CDYL2: variants seen among roughly 807,000 people sequenced by gnomAD.
CDYL2 encodes chromodomain Y like 2, also known as chromodomain Y-like protein 2.
Under a neutral mutation model 49.4 loss-of-function variants are expected in CDYL2, and 23 were observed. The ratio of observed to expected loss-of-function variants is 0.47; its 90% CI spans 0.34 to 0.66. CDYL2 has a LOEUF of 0.66. Ranked by LOEUF, CDYL2 falls within the 30% of genes least tolerant of loss-of-function variation. The probability of loss-of-function intolerance (pLI) is 0.01; values close to 1 mark genes in which losing one functional copy is unlikely to be tolerated. For missense variants in CDYL2, 678 were observed against 656.4 expected (o/e 1.03, Z -0.36); for synonymous variants, 360 against 268.8 (o/e 1.34, Z -3.32).
chr16:80,684,770 A>AC lies in CDYL2; in HGVS notation c.383dup (p.Asp129Ter). 1 of 1,613,822 alleles carries AC rather than the reference A, an allele frequency of 6.2e-7. No individual in the cohort carries two copies. The highest frequency in any genetic ancestry group is 8.5e-7 in the Non-Finnish European group (1 of 1,179,942). On this transcript the variant is annotated frameshift_variant, in exon 2 of 7. Coordinates refer to ENST00000570137, the MANE Select transcript of CDYL2 (RefSeq NM_152342.4). LOFTEE classifies it high-confidence loss of function. Reference sequence around the variant, plus strand: ...AAGACACCGTCTTGGTGGCCCTGTCACCTCCTGAAGAGGGCTTGCCTGAAT... The same window carrying AC: ...AAGACACCGTCTTGGTGGCCCTGTCACCCTCCTGAAGAGGGCTTGCCTGAAT...
intron 1 of CDYL2, among the ~76,000 whole-genome samples, chr16:80,741,444 A>G (rs1456374454): frequency 6.6e-6 from 1 of 152,104 alleles, no homozygotes; most frequent in Non-Finnish European, 1.5e-5. Context: ...TTAAATTTTC[A>G]TATATCAAAA....
intron 1 of CDYL2, among the ~76,000 whole-genome samples, chr16:80,747,938 G>A (rs1307805557): frequency 6.6e-6 from 1 of 151,776 alleles, no homozygotes; most frequent in Non-Finnish European, 1.5e-5. Context: ...TGAATTCTCA[G>A]GCAGGATTCT....
At chr16:80,757,232 G>C (rs192290393) in intron 1 of CDYL2, among the ~76,000 whole-genome samples, 156 of 152,176 alleles carry the variant, frequency 1.0e-3, no homozygotes, top group Non-Finnish European at 2.0e-3. Flanking sequence ...AACATAGCAG[G>C]CTATAAAATA....
chr16:80,764,800 C>T (rs1346602871), intron 1 of CDYL2, among the ~76,000 whole-genome samples: 1 of 151,964 alleles, frequency 6.6e-6, no homozygotes. Flanking sequence ...GTGGCTCAAG[C>T]CTGTAATCCC....
chr16:80,710,389 T>C (rs568062848), intron 1 of CDYL2, among the ~76,000 whole-genome samples: 2 of 152,340 alleles, frequency 1.3e-5, no homozygotes, highest in East Asian at 3.9e-4. Context: ...TATGTCCATA[T>C]CTTTGAACCA....
intron 1 of CDYL2, among the ~76,000 whole-genome samples, chr16:80,755,729 A>T (rs1337636655): frequency 6.6e-6 from 1 of 152,210 alleles, no homozygotes; most frequent in Non-Finnish European, 1.5e-5. Flanking sequence ...GTACAATGCA[A>T]AAAGTAGACC....
At chr16:80,707,460 C>CA (rs1257791173) in intron 1 of CDYL2, among the ~76,000 whole-genome samples, 3 of 151,544 alleles carry the variant, frequency 2.0e-5, no homozygotes, top group East Asian at 1.9e-4. Context: ...GATGTTGTCT[C>CA]AAAAAAAAGA....
chr16:80,727,853 CG>C (rs1341955136), intron 1 of CDYL2, among the ~76,000 whole-genome samples: 1 of 152,148 alleles, frequency 6.6e-6, no homozygotes, highest in African/African-American at 2.4e-5. Context: ...ACACCTCACA[CG>C]GCCAGGTACT....
intron 1 of CDYL2, among the ~76,000 whole-genome samples, chr16:80,790,032 A>G (rs1907559787): frequency 6.6e-6 from 1 of 152,242 alleles, no homozygotes. Context: ...AAACTAGCAC[A>G]TGTACCCCAA....
intron 3 of CDYL2, among the ~76,000 whole-genome samples, chr16:80,628,710 TA>T (rs1284413165): frequency 1.3e-5 from 2 of 152,344 alleles, no homozygotes; most frequent in African/African-American, 4.8e-5. Flanking sequence ...AGAGCTAAAA[TA>T]GCATACTTAC....
Position 80,804,259 on chromosome 16 carries a change from G to A in CDYL2, c.-86C>T. 2.5e-6 allele frequency: 3 copies of A among 1,211,238 alleles called. No individual in the cohort carries two copies. The allele number at this position is 1,211,238 out of a possible 1,614,324, so 75.0% of individuals were successfully genotyped here. On this transcript the variant is annotated 5_prime_UTR_variant, in exon 1 of 7. The change creates a new upstream start codon in the 5' untranslated region. Transcript: ENST00000570137. ...TGTGCGCGCGGGGTCCGGTGTGCGC[G>A]TGTGTGTGCGCGCGTGTGTGTGCGA...
chr16:80,667,612 G>A (rs1909321663), intron 2 of CDYL2, among the ~76,000 whole-genome samples: 1 of 152,144 alleles, frequency 6.6e-6, no homozygotes, highest in Admixed American at 6.5e-5. Context: ...GTATATGGCA[G>A]TCATTTTATG....
At chr16:80,789,071 T>C (rs1007824287) in intron 1 of CDYL2, among the ~76,000 whole-genome samples, 4 of 152,066 alleles carry the variant, frequency 2.6e-5, no homozygotes, top group African/African-American at 9.7e-5. Context: ...CACAGTGAGA[T>C]ATCATCTTAA....
chr16:80,724,193 G>C (rs959159631), intron 1 of CDYL2, among the ~76,000 whole-genome samples: 1 of 145,964 alleles, frequency 6.9e-6, no homozygotes, highest in East Asian at 2.0e-4. Context: ...GAGGAGAGGA[G>C]GAGGGGAAGG....
At chr16:80,772,877 C>T (rs180873417) in intron 1 of CDYL2, among the ~76,000 whole-genome samples, 1 of 151,958 alleles carries the variant, frequency 6.6e-6, no homozygotes, top group African/African-American at 2.4e-5. Context: ...AAAAGTAAGG[C>T]ATGAAAGTAG....
chr16:80,734,913 T>C (rs534710816), intron 1 of CDYL2, among the ~76,000 whole-genome samples: 4 of 152,318 alleles, frequency 2.6e-5, no homozygotes, highest in African/African-American at 7.2e-5. Context: ...TCCCAGGCTA[T>C]GATGCTGTTG....
chr16:80,756,189 AG>A (rs1340752526), intron 1 of CDYL2, among the ~76,000 whole-genome samples: 3 of 152,154 alleles, frequency 2.0e-5, no homozygotes, highest in Admixed American at 2.0e-4. Context: ...ATAAAAACTA[AG>A]AAAAACAGAA....
intron 1 of CDYL2, among the ~76,000 whole-genome samples, chr16:80,740,389 T>G (rs1035126898): frequency 1.5e-4 from 23 of 152,054 alleles, no homozygotes; most frequent in Admixed American, 3.9e-4. Flanking sequence ...TGAGAACCAT[T>G]TAAAAGGCCT....
intron 2 of CDYL2, among the ~76,000 whole-genome samples, chr16:80,646,660 G>A (rs4888105): frequency 0.44 from 66,242 of 151,752 alleles, 15,066 homozygotes; most frequent in East Asian, 0.6. Flanking sequence ...AGAGTGGCGT[G>A]TGCCTGTAAT....
Sources: allele counts gnomAD v4.1 joint callset (sites outside exome capture counted in the v4.1 genomes callset), GRCh38; gene constraint gnomAD v4.1.1; transcripts MANE v1.5; gene names NCBI Gene and HGNC (gene_info 2026-07-23, HGNC 2026-07-21).